P2RX7: variants seen among roughly 807,000 people sequenced by gnomAD.
P2RX7 encodes the protein P2X purinoceptor 7.
Under a neutral mutation model 71.6 loss-of-function variants are expected in P2RX7, and 62 were observed. The observed-to-expected ratio is 0.87, with a 90% CI of 0.71 to 1.07. The LOEUF is 1.07. Ranked by LOEUF, P2RX7 falls within the 50% of genes least tolerant of loss-of-function variation. P2RX7 has a pLI of 0.00. For missense variants in P2RX7, 686 were observed against 748.5 expected, an observed-to-expected ratio of 0.92 and a Z score of 0.97; for synonymous variants, 299 against 283.3, an observed-to-expected ratio of 1.06 and a Z score of -0.56.
At chr12:121,171,862 CTTTT>C (rs779128209) in intron 8 of P2RX7, among the ~76,000 whole-genome samples, 4 of 131,126 alleles carry the variant, frequency 3.1e-5, no homozygotes, top group Non-Finnish European at 6.5e-5. Context: ...TTCTTTCTTT[CTTTT>C]TTTTTTTTTT....
intron 1 of P2RX7, among the ~76,000 whole-genome samples, chr12:121,150,903 C>T (rs7961120): frequency 0.017 from 2,549 of 152,108 alleles, 69 homozygotes; most frequent in African/African-American, 0.056. Context: ...AGTGAGACTC[C>T]GTCTCAAATA....
chr12:121,173,684 C>T (rs543649903), intron 8 of P2RX7, among the ~76,000 whole-genome samples: 8 of 152,314 alleles, frequency 5.3e-5, no homozygotes, highest in African/African-American at 1.9e-4. Flanking sequence ...AGGGAAACAG[C>T]TTAGGGTTAA....
At chr12:121,172,558 G>A (rs1284003768) in intron 8 of P2RX7, among the ~76,000 whole-genome samples, 1 of 152,176 alleles carries the variant, frequency 6.6e-6, no homozygotes, top group Non-Finnish European at 1.5e-5. Context: ...TTGAGCCCGG[G>A]AGGCGGAGGC....
chr12:121,160,878 ACT>A (rs746135200), intron 3 of P2RX7, 22 bp from the exon 4 acceptor site: 1 of 1,586,234 alleles, frequency 6.3e-7, no homozygotes. Flanking sequence ...CTTACTCCCC[ACT>A]CTGTCATCCT....
intron 1 of P2RX7, among the ~76,000 whole-genome samples, chr12:121,133,576 T>A (rs1157290528): frequency 6.6e-6 from 1 of 152,236 alleles, no homozygotes; most frequent in African/African-American, 2.4e-5. Flanking sequence ...TACTGAGATA[T>A]AATTTATACA....
chr12:121,142,475 ACT>A (rs1371990691), intron 1 of P2RX7, among the ~76,000 whole-genome samples: 2 of 151,904 alleles, frequency 1.3e-5, no homozygotes, highest in African/African-American at 4.8e-5. Flanking sequence ...GAAGAAGAAT[ACT>A]CTCTTCTTTT....
At chr12:121,157,553 A>G (rs368814238) in intron 3 of P2RX7, among the ~76,000 whole-genome samples, 3 of 152,088 alleles carry the variant, frequency 2.0e-5, no homozygotes, top group Non-Finnish European at 2.9e-5. Context: ...TCCGTCTCCA[A>G]TCCAGTTTGG....
intron 12 of P2RX7, 98 bp from the exon 13 acceptor site, chr12:121,184,207 A>T (rs1362162138): frequency 2.3e-5 from 32 of 1,381,780 alleles, no homozygotes; most frequent in Non-Finnish European, 3.1e-5. Context: ...ACTATAAATC[A>T]TGTAATATTA....
intron 3 of P2RX7, 86 bp from the exon 4 acceptor site, chr12:121,160,816 C>T: frequency 8.9e-7 from 1 of 1,118,082 alleles, no homozygotes; most frequent in Non-Finnish European, 1.4e-6. Context: ...CATTCGTGTG[C>T]ACATTCTGGT....
rs1884621053 is a variant in P2RX7, at chr12:121,184,296, C to T, written c.1291-9C>T. Reference sequence around the variant, plus strand: ...CATGGCTAATAGGTTTGGAAACTTGCTTTTTCAGAGACCTGCGATGGACTT... The same window carrying T: ...CATGGCTAATAGGTTTGGAAACTTGTTTTTTCAGAGACCTGCGATGGACTT... On this transcript the variant is annotated splice_polypyrimidine_tract_variant and intron_variant, in intron 12 of 12. Coordinates refer to ENST00000328963, the MANE Select transcript of P2RX7 (RefSeq NM_002562.6). 21 of 1,577,496 alleles carry T rather than the reference C, an allele frequency of 1.3e-5. No individual in the cohort carries two copies. Among genetic ancestry groups the T allele is most frequent in the Non-Finnish European group, 1.8e-5 (21 of 1,161,638 alleles).
intron 8 of P2RX7, among the ~76,000 whole-genome samples, chr12:121,169,224 C>T (rs1298368480): frequency 6.6e-6 from 1 of 152,166 alleles, no homozygotes; most frequent in Non-Finnish European, 1.5e-5. Flanking sequence ...GCCTTGGCCT[C>T]CTAAAGCGTT....
At chr12:121,156,990 A>G (rs1454749799) in intron 3 of P2RX7, among the ~76,000 whole-genome samples, 1 of 152,148 alleles carries the variant, frequency 6.6e-6, no homozygotes, top group East Asian at 1.9e-4. Flanking sequence ...CTTGTCTCTA[A>G]AAACAAAACA....
In P2RX7 at chr12:121,186,305, C is replaced by G. The variant is rs12301635; in HGVS notation, c.*1503C>G. The G allele has an allele frequency of 0.12, 17,676 of 152,284 alleles. 1,269 individuals carry two copies. The highest frequency in any genetic ancestry group is 0.2 in the African/African-American group (8,450 of 41,492). 9.4% of individuals were successfully genotyped at this position (152,284 alleles called of 1,614,324 possible). On this transcript the variant is annotated 3_prime_UTR_variant, in exon 13 of 13. Coordinates refer to ENST00000328963, the MANE Select transcript of P2RX7 (RefSeq NM_002562.6). ...AGAAAACCACATTGCTATCTTAAGT[C>G]CCTAAGTTTGGGGCTTATTTGTTCC...
chr12:121,180,144 A>G (rs1043122001), intron 11 of P2RX7, among the ~76,000 whole-genome samples: 2 of 108,518 alleles, frequency 1.8e-5, no homozygotes, highest in African/African-American at 7.9e-5. Context: ...GTGAACTCCA[A>G]CTCAAAAAAA....
chr12:121,167,307 A>G (rs1440928698), intron 7 of P2RX7, among the ~76,000 whole-genome samples, 181 bp from the exon 8 acceptor site: 1 of 151,992 alleles, frequency 6.6e-6, no homozygotes, highest in Non-Finnish European at 1.5e-5. Context: ...GAGAGTGAGG[A>G]GATGCGATTG....
chr12:121,184,065 A>T (rs1442529582), intron 12 of P2RX7, among the ~76,000 whole-genome samples: 1 of 54,300 alleles, frequency 1.8e-5, no homozygotes, highest in Non-Finnish European at 4.3e-5. Flanking sequence ...ACCCTCTCTC[A>T]AAAAAAAAAA....
chr12:121,183,022 A>T (rs1015328748), intron 12 of P2RX7, among the ~76,000 whole-genome samples: 1 of 151,836 alleles, frequency 6.6e-6, no homozygotes, highest in Admixed American at 6.6e-5. Context: ...CTAAAAATAC[A>T]AAAAAATAGC....
Position 121,184,726 on chromosome 12 carries a change from G to T in P2RX7, c.1712G>T (p.Ser571Ile), listed in dbSNP as rs377579729. The T allele has an allele frequency of 6.4e-7, 1 of 1,559,568 alleles. No individual in the cohort carries two copies. The highest frequency in any genetic ancestry group is 8.7e-7 in the Non-Finnish European group (1 of 1,151,304). ...QDMADFAILP[S>I]CCRWRIRKEF... ...ATGGCTGACTTTGCCATCCTGCCCAGCTGCTGCCGCTGGAGGATCCGGAAA... is the reference window on the plus strand; with the variant it reads ...ATGGCTGACTTTGCCATCCTGCCCATCTGCTGCCGCTGGAGGATCCGGAAA... Residue 571 changes from serine to isoleucine, a missense_variant, in exon 13 of 13, where the codon AGC becomes ATC. Ser to Ile is a moderately radical substitution (Grantham distance 142, BLOSUM62 -2). Coordinates refer to ENST00000328963, the MANE Select transcript of P2RX7 (RefSeq NM_002562.6).
Position 121,154,722 on chromosome 12 carries a change from C to A in P2RX7, c.126-63C>A, listed in dbSNP as rs28360443. 1.1e-4 allele frequency: 121 copies of A among 1,060,264 alleles called. No individual in the cohort carries two copies. In the East Asian group the frequency reaches 2.6e-3, roughly 23 times the overall value. 65.7% of individuals were successfully genotyped at this position (1,060,264 alleles called of 1,614,324 possible). On this transcript the variant is annotated intron_variant, in intron 1 of 12. Transcript: ENST00000328963. The surrounding 1 kb of genome is among the most constrained non-coding windows in gnomAD (Gnocchi z 4.2). ...GAACAGAAGTGCCTGCATCCTCCAA[C>A]GCCTGCATCCCAACCCGCTGTGCTA...
Sources: gnomAD v4.1 joint callset for allele counts (sites outside exome capture counted in the v4.1 genomes callset) on GRCh38, gnomAD v4.1.1 for gene constraint, Gnocchi (gnomAD v3.1) non-coding constraint, MANE v1.5 for transcripts, NCBI Gene and HGNC (gene_info 2026-07-23, HGNC 2026-07-21) for gene names.